DTX3L: variants seen among roughly 807,000 people sequenced by gnomAD.
DTX3L encodes the protein deltex E3 ubiquitin ligase 3L, also known as E3 ubiquitin-protein ligase DTX3L.
In DTX3L, 34 loss-of-function variants were observed where a neutral mutation model predicts 60.9. The observed-to-expected ratio is 0.56, with a 90% confidence interval of 0.42 to 0.74. DTX3L has a LOEUF of 0.74. Ranked by LOEUF, DTX3L falls within the 30% of genes least tolerant of loss-of-function variation. DTX3L has a pLI of 0.00. For missense variants in DTX3L, 810 were observed against 874.0 expected (o/e 0.93, Z 0.92); for synonymous variants, 290 against 316.6 (o/e 0.92, Z 0.89).
rs1261964678 is a variant in DTX3L at position 122,574,052 on chromosome 3, G to T, written c.*2305G>T. The stretch of plus-strand genomic sequence containing the variant: ...GGGGTGTCCCTGTGTTGCCCAGACT[G>T]GTCTTGAACTCCTGGACTCAAGGGA... On this transcript the variant is annotated 3_prime_UTR_variant, in exon 5 of 5. Coordinates refer to ENST00000296161, the MANE Select transcript of DTX3L (RefSeq NM_138287.3). 2 of 150,182 alleles carry T rather than the reference G, an allele frequency of 1.3e-5. No homozygotes were observed. Among genetic ancestry groups the T allele is most frequent in the East Asian group, 3.9e-4 (2 of 5,120 alleles). The allele number at this position is 150,182 out of a possible 1,614,324, so 9.3% of individuals were successfully genotyped here. A position where few individuals can be genotyped will look rare whatever the true frequency, so the allele number is the denominator to read the frequency against.
chr3:122,568,753 CCTT>C lies in DTX3L; in HGVS notation c.667_669del (p.Ser223del). On this transcript the variant is annotated inframe_deletion, in exon 3 of 5. Coordinates refer to ENST00000296161, the MANE Select transcript of DTX3L (RefSeq NM_138287.3). ...GCAGGAGAGGGACAGCTGCATTTCT[CCTT>C]CTGAACCAGAAACCAAGGCAGAACA... 1 of 1,614,132 alleles carries C rather than the reference CCTT, an allele frequency of 6.2e-7. No individual in the cohort carries two copies. The highest frequency in any genetic ancestry group is 8.5e-7 in the Non-Finnish European group (1 of 1,180,030).
At position 122,569,128 on chromosome 3, in the gene DTX3L, C is replaced by G. The variant is rs201895445; in HGVS notation, c.1039C>G (p.Gln347Glu). The G allele has an allele frequency of 6.2e-7, 1 of 1,614,130 alleles. No individual in the cohort carries two copies. Among genetic ancestry groups the G allele is most frequent in the Non-Finnish European group, 8.5e-7 (1 of 1,180,018 alleles). ...AGGCGAATTAACTCTCCTTGGGACC[C>G]AAGATGACATTTCAGCTGCCAAACA... The part of the protein sequence containing the change: ...KGGELTLLGT[Q>E]DDISAAKQKI... The change falls in exon 3 of 5, where the codon CAA becomes GAA. Residue 347 changes from glutamine (Q) to glutamate (E), a missense_variant. Physicochemically the swap from Gln to Glu is conservative, Grantham distance 29. Coordinates refer to ENST00000296161, the MANE Select transcript of DTX3L (RefSeq NM_138287.3).
At chr3:122,566,686 C>G in intron 2 of DTX3L, among the ~76,000 whole-genome samples, 1 of 152,096 alleles carries the variant, frequency 6.6e-6, no homozygotes, top group Non-Finnish European at 1.5e-5. Flanking sequence ...AACCAGAAAT[C>G]AGAGACAACT....
In DTX3L at chr3:122,570,712, A is replaced by G. The variant is rs1366971670; in HGVS notation, c.2153+40A>G. ...GGATGTAATGGCTGCTCAACAGAGT[A>G]TAGGGATTATGAAATACGGCAATTT... On this transcript the variant is annotated intron_variant, in intron 4 of 4. Coordinates refer to ENST00000296161, the MANE Select transcript of DTX3L (RefSeq NM_138287.3). The G allele has an allele frequency of 5.0e-6, 8 of 1,602,952 alleles. No individual in the cohort carries two copies. The East Asian group carries it at 1.1e-4, about 22-fold the overall frequency.
At chr3:122,567,112 G>A (rs2080598043) in intron 2 of DTX3L, among the ~76,000 whole-genome samples, 1 of 152,166 alleles carries the variant, frequency 6.6e-6, no homozygotes, top group Admixed American at 6.5e-5. Context: ...CCAGTGTGGT[G>A]GGGAGGGCAG....
chr3:122,565,229 T>A (rs1473631291), intron 1 of DTX3L, among the ~76,000 whole-genome samples: 1 of 152,026 alleles, frequency 6.6e-6, no homozygotes, highest in Non-Finnish European at 1.5e-5. Flanking sequence ...AATGGGAGAC[T>A]GGGCCGGGTG....
At position 122,571,915 on chromosome 3, in the gene DTX3L, T is replaced by A. The variant is rs1017675893; in HGVS notation, c.*168T>A. ...TGCTAGTCTGTCATTTCTGGAGTGA[T>A]ACTTTTTTTTTTGAGACGGAGTCTG... is the stretch of plus-strand genomic sequence containing the variant. On this transcript the variant is annotated 3_prime_UTR_variant, in exon 5 of 5. Coordinates refer to ENST00000296161, the MANE Select transcript of DTX3L (RefSeq NM_138287.3). 1 of 553,380 alleles carries A rather than the reference T, an allele frequency of 1.8e-6. No homozygotes were observed. The highest frequency in any genetic ancestry group is 3.2e-5 in the Admixed American group (1 of 31,470). The allele number at this position is 553,380 out of a possible 1,614,324, so 34.3% of individuals were successfully genotyped here.
Position 122,571,742 on chromosome 3 carries a change from G to A in DTX3L, c.2218G>A (p.Glu740Lys), listed in dbSNP as rs937644662. ...AGAGGAGCTGAAAGCCAAAGGAATT[G>A]AGTAAGACAACTGCTGGAAGATGTC... ...VKEELKAKGI[E>K] The change falls in exon 5 of 5, where the codon GAG becomes AAG. Residue 740 changes from glutamate (E) to lysine (K), a missense_variant. Physicochemically the swap from Glu to Lys is moderately conservative, Grantham distance 56 (BLOSUM62 1). Coordinates refer to ENST00000296161, the MANE Select transcript of DTX3L (RefSeq NM_138287.3). 6.2e-7 allele frequency: 1 copy of A among 1,612,276 alleles called. No homozygotes were observed. Among genetic ancestry groups the A allele is most frequent in the Non-Finnish European group, 8.5e-7 (1 of 1,178,914 alleles).
In DTX3L at chr3:122,574,925, T is replaced by A. The variant is rs2080672237; in HGVS notation, c.*3178T>A. 2 of 152,230 alleles carry A rather than the reference T, an allele frequency of 1.3e-5. No homozygotes were observed. The highest frequency in any genetic ancestry group is 4.1e-4 in the South Asian group (2 of 4,832). The allele number at this position is 152,230 out of a possible 1,614,324, so 9.4% of individuals were successfully genotyped here. On this transcript the variant is annotated 3_prime_UTR_variant, in exon 5 of 5. Coordinates refer to ENST00000296161, the MANE Select transcript of DTX3L (RefSeq NM_138287.3). ...GCTTAAGCTAAATGATACATGTTTT[T>A]AAAAAAAAATCAGATTATAAATTTA... is the stretch of plus-strand genomic sequence containing the variant.
chr3:122,568,195 G>A (rs914254782), intron 2 of DTX3L, among the ~76,000 whole-genome samples: 2 of 152,180 alleles, frequency 1.3e-5, no homozygotes, highest in East Asian at 1.9e-4. Flanking sequence ...TATAATCCCA[G>A]CTACTCAGGA....
chr3:122,568,730 A>C lies in DTX3L; in HGVS notation c.641A>C (p.Gln214Pro), dbSNP rs764332905. ...SMTERKPLSQ[Q>P]ERDSCISPSE... is the part of the protein sequence containing the mutation. ...ACAGAGAGGAAGCCACTCAGTCAGC[A>C]GGAGAGGGACAGCTGCATTTCTCCT... The change falls in exon 3 of 5, where the codon CAG (glutamine) becomes CCG (proline). Residue 214 changes from glutamine (Q) to proline (P), a missense_variant. Transcript: ENST00000296161. The C allele has an allele frequency of 1.2e-6, 2 of 1,614,228 alleles. No homozygotes were observed. The highest frequency in any genetic ancestry group is 1.7e-6 in the Non-Finnish European group (2 of 1,180,034).
In DTX3L at chr3:122,570,618, T is replaced by C; in HGVS notation, c.2099T>C (p.Val700Ala). Residue 700 changes from valine (V) to alanine (A), a missense_variant, in exon 4 of 5, where the codon GTC becomes GCC. Coordinates refer to ENST00000296161, the MANE Select transcript of DTX3L (RefSeq NM_138287.3). ...TCTCGCGTATTAGGAGTCTCAGATG[T>C]CATCACTTGGAATGATATTCACCAC... ...GYSRVLGVSD[V>A]ITWNDIHHKT... is the part of the protein sequence containing the mutation. 1 of 1,614,164 alleles carries C rather than the reference T, an allele frequency of 6.2e-7. No homozygotes were observed. Among genetic ancestry groups the C allele is most frequent in the South Asian group, 1.1e-5 (1 of 91,082 alleles).
intron 4 of DTX3L, 99 bp from the exon 5 acceptor site, chr3:122,571,579 T>C (rs2080646106): frequency 1.1e-6 from 1 of 917,442 alleles, no homozygotes; most frequent in Non-Finnish European, 1.6e-6. Context: ...TTGTGAATGT[T>C]TGCAACACTG....
rs147040203 is a variant in DTX3L at position 122,564,482 on chromosome 3, G to A, written c.56G>A (p.Gly19Asp). ...SPLLVRVYKS[G>D]PRVRRKLESY... ...CTCCTCGTGCGGGTGTACAAGTCCG[G>A]CCCCCGAGTACGAAGGAAGCTGGAG... Residue 19 changes from glycine to aspartate, a missense_variant, in exon 1 of 5, where the codon GGC (glycine) becomes GAC (aspartate). Gly to Asp is a moderately conservative substitution (Grantham distance 94). Coordinates refer to ENST00000296161, the MANE Select transcript of DTX3L (RefSeq NM_138287.3). 5.6e-5 allele frequency: 90 copies of A among 1,612,634 alleles called. No individual in the cohort carries two copies. Among genetic ancestry groups the A allele is most frequent in the Non-Finnish European group, 7.2e-5 (85 of 1,179,402 alleles).
Position 122,569,504 on chromosome 3 carries a change from A to T in DTX3L, c.1415A>T (p.Asp472Val). The change falls in exon 3 of 5, where the codon GAT becomes GTT. Residue 472 changes from aspartate (D) to valine (V), a missense_variant. Physicochemically the swap from Asp to Val is radical, Grantham distance 152 (BLOSUM62 -3). Coordinates refer to ENST00000296161, the MANE Select transcript of DTX3L (RefSeq NM_138287.3). ...RKHLHQTKFA[D>V]DFRKRHPNVH... The stretch of plus-strand genomic sequence containing the variant: ...CACTTACATCAGACCAAGTTTGCTG[A>T]TGACTTTAGAAAAAGACATCCAAAT... The T allele has an allele frequency of 6.2e-7, 1 of 1,614,232 alleles. No individual in the cohort carries two copies. Among genetic ancestry groups the T allele is most frequent in the Non-Finnish European group, 8.5e-7 (1 of 1,180,052 alleles).
At chr3:122,570,756 A>T (rs888805882) in intron 4 of DTX3L, 84 bp downstream of exon 4, 20 of 1,393,850 alleles carry the variant, frequency 1.4e-5, no homozygotes, top group Non-Finnish European at 1.8e-5. Flanking sequence ...GGATATAAGT[A>T]GACTCTATAG....
At chr3:122,566,209 A>T in intron 2 of DTX3L, 139 bp downstream of exon 2, 1 of 711,242 alleles carries the variant, frequency 1.4e-6, no homozygotes, top group Non-Finnish European at 2.3e-6. Context: ...CACAGAGATG[A>T]ATATAACAGA....
In DTX3L at chr3:122,569,538, T is replaced by C; in HGVS notation, c.1449T>C (p.Phe483=). 1 of 1,614,256 alleles carries C rather than the reference T, an allele frequency of 6.2e-7. No homozygotes were observed. The highest frequency in any genetic ancestry group is 8.5e-7 in the Non-Finnish European group (1 of 1,180,046). ...DFRKRHPNVH[F]VLNQESMTLT... ...GAAAAAGACATCCAAATGTACACTT[T>C]GTGCTAAATCAAGAGTCAATGACTT... Residue 483 remains phenylalanine (F), a synonymous_variant, in exon 3 of 5, where the codon TTT becomes TTC. Coordinates refer to ENST00000296161, the MANE Select transcript of DTX3L (RefSeq NM_138287.3).
intron 1 of DTX3L, 121 bp from the exon 2 acceptor site, chr3:122,565,738 G>T: frequency 1.1e-6 from 1 of 892,956 alleles, no homozygotes; most frequent in Non-Finnish European, 1.7e-6. Flanking sequence ...ATTCCAGGAT[G>T]CAGGGAGCAG....
Sources: gnomAD v4.1 joint callset for allele counts (sites outside exome capture counted in the v4.1 genomes callset) on GRCh38, gnomAD v4.1.1 for gene constraint, MANE v1.5 for transcripts, NCBI Gene and HGNC (gene_info 2026-07-23, HGNC 2026-07-21) for gene names.